AIDA: variants seen among roughly 807,000 people sequenced by gnomAD.
AIDA encodes axin interactor, dorsalization associated, also known as axin interactor, dorsalization-associated protein.
In AIDA, 18 loss-of-function variants were observed where a neutral mutation model predicts 42.7. The ratio of observed to expected loss-of-function variants is 0.42; its 90% CI spans 0.29 to 0.63. AIDA has a LOEUF of 0.63. AIDA is among the 20% of genes least tolerant of loss of function. The probability of loss-of-function intolerance (pLI) is 0.19; values close to 1 mark genes in which losing one functional copy is unlikely to be tolerated. For missense variants in AIDA, 250 were observed against 354.1 expected (o/e 0.71, Z 2.36); for synonymous variants, 104 against 122.9 (o/e 0.85, Z 1.02).
At chr1:222,706,050 G>A (rs913562871) in intron 1 of AIDA, among the ~76,000 whole-genome samples, 2 of 152,124 alleles carry the variant, frequency 1.3e-5, no homozygotes, top group African/African-American at 4.8e-5. Flanking sequence ...AAAATTTACA[G>A]AAGGAAAGGA....
intron 2 of AIDA, among the ~76,000 whole-genome samples, 154 bp from the exon 3 acceptor site, chr1:222,694,417 A>T (rs1655459564): frequency 6.6e-6 from 1 of 152,224 alleles, no homozygotes; most frequent in African/African-American, 2.4e-5. Flanking sequence ...AGAGAAAAGA[A>T]ATAAGAGGCA....
intron 2 of AIDA, among the ~76,000 whole-genome samples, chr1:222,697,122 T>C (rs951903648): frequency 6.6e-6 from 1 of 151,800 alleles, no homozygotes; most frequent in African/African-American, 2.4e-5. Flanking sequence ...TCTGTATTTT[T>C]ATTAGAGACA....
At chr1:222,687,780 T>C (rs1655241258) in intron 4 of AIDA, 122 bp from the exon 5 acceptor site, 2 of 747,138 alleles carry the variant, frequency 2.7e-6, no homozygotes, top group East Asian at 3.7e-5. Flanking sequence ...TTCCCAGCCT[T>C]ACCACCATTT....
chr1:222,702,866 C>A (rs1655745340), intron 2 of AIDA, among the ~76,000 whole-genome samples: 3 of 152,220 alleles, frequency 2.0e-5, no homozygotes, highest in Admixed American at 6.5e-5. Flanking sequence ...GGGTTCTCCC[C>A]CTCTTCAGCG....
intron 2 of AIDA, among the ~76,000 whole-genome samples, chr1:222,702,881 C>T (rs1655746069): frequency 6.6e-6 from 1 of 152,232 alleles, no homozygotes; most frequent in Non-Finnish European, 1.5e-5. Context: ...TCAGCGAAAG[C>T]ATGAATGGTC....
chr1:222,690,078 T>C lies in AIDA; in HGVS notation c.290-2420A>G, dbSNP rs532654404. On this transcript the variant is annotated intron_variant, in intron 4 of 9. Coordinates refer to ENST00000340020, the MANE Select transcript of AIDA (RefSeq NM_022831.4). ...GTAGAGGTTTGTAGCCTAGGAGCAA[T>C]AGGCTATACCATATAGGCTATACCA... 1.4e-4 allele frequency among the ~76,000 whole-genome samples: 21 copies of C among 152,344 alleles called. No individual in the cohort carries two copies. In the South Asian group the frequency reaches 3.9e-3, roughly 29 times the overall value.
At chr1:222,697,260 A>G (rs1655547573) in intron 2 of AIDA, among the ~76,000 whole-genome samples, 1 of 151,382 alleles carries the variant, frequency 6.6e-6, no homozygotes, top group African/African-American at 2.4e-5. Flanking sequence ...TTTTTAATAC[A>G]GAAATCGACT....
At chr1:222,676,052 T>G in intron 7 of AIDA, 44 bp downstream of exon 7, 1 of 1,528,744 alleles carries the variant, frequency 6.5e-7, no homozygotes, top group Non-Finnish European at 8.8e-7. Flanking sequence ...GAAGCAACAT[T>G]ATAAAATTCA....
At chr1:222,704,683 G>T (rs919968254) in intron 1 of AIDA, among the ~76,000 whole-genome samples, 1 of 152,128 alleles carries the variant, frequency 6.6e-6, no homozygotes, top group Admixed American at 6.6e-5. Flanking sequence ...CAAGTATGGG[G>T]TTTCTTTCGG....
At chr1:222,670,082 A>G in intron 9 of AIDA, 51 bp downstream of exon 9, 1 of 1,606,958 alleles carries the variant, frequency 6.2e-7, no homozygotes, top group African/African-American at 1.3e-5. Flanking sequence ...CAGAAGAAAG[A>G]TATACTAGTC....
chr1:222,703,321 T>G, intron 1 of AIDA, 104 bp from the exon 2 acceptor site: 2 of 797,936 alleles, frequency 2.5e-6, no homozygotes, highest in Non-Finnish European at 3.8e-6. Context: ...ATTATTGTCC[T>G]GTTTTTAAAA....
At chr1:222,697,174 C>T (rs1655544767) in intron 2 of AIDA, among the ~76,000 whole-genome samples, 1 of 151,758 alleles carries the variant, frequency 6.6e-6, no homozygotes, top group Admixed American at 6.6e-5. Flanking sequence ...AACTCCTGAC[C>T]TCAGGTGATC....
chr1:222,701,783 G>A (rs1485293928), intron 2 of AIDA, among the ~76,000 whole-genome samples: 2 of 152,166 alleles, frequency 1.3e-5, no homozygotes, highest in Non-Finnish European at 2.9e-5. Flanking sequence ...GAGTGCAGTG[G>A]TGCTATCTCA....
At chr1:222,683,794 A>G (rs952200829) in intron 6 of AIDA, among the ~76,000 whole-genome samples, 1 of 152,232 alleles carries the variant, frequency 6.6e-6, no homozygotes, top group Non-Finnish European at 1.5e-5. Context: ...CTATCTTTAG[A>G]AAAGTTAACT....
At chr1:222,692,289 T>C (rs1655394130) in intron 4 of AIDA, among the ~76,000 whole-genome samples, 1 of 152,156 alleles carries the variant, frequency 6.6e-6, no homozygotes, top group Non-Finnish European at 1.5e-5. Context: ...CAGTAGACTC[T>C]ACACACTGAG....
At chr1:222,686,793 G>T in intron 6 of AIDA, 137 bp downstream of exon 6, 3 of 999,726 alleles carry the variant, frequency 3.0e-6, no homozygotes, top group Non-Finnish European at 4.4e-6. Flanking sequence ...AATAGCTACT[G>T]CCAATAAAAT....
chr1:222,676,342 C>T, intron 6 of AIDA, 124 bp from the exon 7 acceptor site: 1 of 1,096,230 alleles, frequency 9.1e-7, no homozygotes, highest in Non-Finnish European at 1.2e-6. Flanking sequence ...TATTTTGGTT[C>T]CCGAAACTCC....
At chr1:222,685,210 G>A (rs890583994) in intron 6 of AIDA, among the ~76,000 whole-genome samples, 1 of 152,146 alleles carries the variant, frequency 6.6e-6, no homozygotes, top group Non-Finnish European at 1.5e-5. Context: ...AAGCGTAACA[G>A]CCACCACTAA....
At chr1:222,678,877 G>A (rs892603240) in intron 6 of AIDA, among the ~76,000 whole-genome samples, 7 of 151,890 alleles carry the variant, frequency 4.6e-5, no homozygotes, top group South Asian at 4.1e-4. Flanking sequence ...TCCTTTTTTC[G>A]TTCACTCATA....
Sources: gnomAD v4.1 joint callset for allele counts (sites outside exome capture counted in the v4.1 genomes callset) on GRCh38, gnomAD v4.1.1 for gene constraint, MANE v1.5 for transcripts, NCBI Gene and HGNC (gene_info 2026-07-23, HGNC 2026-07-21) for gene names.